The following FOXP2 variants were observed in gnomAD, a reference collection of about 807,000 sequenced individuals.
FOXP2 encodes forkhead box protein P2.
In FOXP2, 12 loss-of-function variants were observed where a neutral mutation model predicts 115.8. The ratio of observed to expected loss-of-function variants is 0.10; its 90% confidence interval spans 0.07 to 0.17. FOXP2 has a LOEUF of 0.17. FOXP2 is among the 10% of genes least tolerant of loss of function. The probability of loss-of-function intolerance (pLI) is 1.00; values close to 1 mark genes in which losing one functional copy is unlikely to be tolerated. For synonymous variants in FOXP2, 328 were observed against 297.7 expected, an observed-to-expected ratio of 1.10 and a Z score of -1.05; for missense variants, 629 against 843.5, an observed-to-expected ratio of 0.75 and a Z score of 3.15.
intron 1 of FOXP2, among the ~76,000 whole-genome samples, chr7:114,242,296 C>T (rs766647239): frequency 1.6e-4 from 25 of 151,858 alleles, no homozygotes; most frequent in Non-Finnish European, 3.4e-4. Context: ...AAATGATGGT[C>T]TAATTCATAA....
At chr7:114,557,787 CTTTA>C (rs59243864) in intron 3 of FOXP2, among the ~76,000 whole-genome samples, 3,963 of 148,182 alleles carry the variant, frequency 0.027, 150 homozygotes, top group East Asian at 0.15. Context: ...ACTGAACTGA[CTTTA>C]TTTATTTATT....
intron 2 of FOXP2, among the ~76,000 whole-genome samples, chr7:114,397,159 G>T (rs964543477): frequency 1.3e-5 from 2 of 151,954 alleles, no homozygotes; most frequent in South Asian, 2.1e-4. Context: ...AAGAGATTTC[G>T]GGTGGAGATT....
chr7:114,464,299 T>C (rs956064665), intron 2 of FOXP2, among the ~76,000 whole-genome samples: 2 of 151,850 alleles, frequency 1.3e-5, no homozygotes, highest in East Asian at 1.9e-4. Flanking sequence ...ACTTACAAAA[T>C]TGTGACCAGA....
chr7:114,588,086 G>T (rs879474617), intron 3 of FOXP2, among the ~76,000 whole-genome samples: 2 of 151,706 alleles, frequency 1.3e-5, no homozygotes, highest in Non-Finnish European at 2.9e-5. Flanking sequence ...GAGGTGAGCG[G>T]ATCACGAGGT....
chr7:114,221,494 G>A (rs1164505348), intron 1 of FOXP2, among the ~76,000 whole-genome samples: 2 of 152,050 alleles, frequency 1.3e-5, no homozygotes, highest in Admixed American at 1.3e-4. Flanking sequence ...ATAAGGATTC[G>A]TTCTAGGCAC....
intron 2 of FOXP2, among the ~76,000 whole-genome samples, chr7:114,437,418 C>T (rs754067490): frequency 6.6e-6 from 1 of 152,106 alleles, no homozygotes. Context: ...TAGTAGTTTG[C>T]TATTATCATG....
chr7:114,352,851 A>G (rs1183483527), intron 2 of FOXP2, among the ~76,000 whole-genome samples: 1 of 152,136 alleles, frequency 6.6e-6, no homozygotes. Flanking sequence ...GAATAATTCT[A>G]ATAGTTTAAA....
At chr7:114,517,598 G>A (rs182210331) in intron 2 of FOXP2, among the ~76,000 whole-genome samples, 1 of 152,144 alleles carries the variant, frequency 6.6e-6, no homozygotes, top group East Asian at 1.9e-4. Flanking sequence ...TCCCTTTTAT[G>A]TGTTCTTAAC....
intron 2 of FOXP2, among the ~76,000 whole-genome samples, chr7:114,487,759 C>T (rs905466117): frequency 6.6e-6 from 1 of 152,140 alleles, no homozygotes; most frequent in Non-Finnish European, 1.5e-5. Context: ...CAGTTCCCAA[C>T]AAATTCCTCA....
At chr7:114,106,297 C>G (rs1791113786) in intron 1 of FOXP2, among the ~76,000 whole-genome samples, 1 of 151,350 alleles carries the variant, frequency 6.6e-6, no homozygotes, top group African/African-American at 2.4e-5. Context: ...AGGTAGATGC[C>G]CTCCCTTTAG....
At chr7:114,322,340 G>A (rs2129181566) in intron 2 of FOXP2, among the ~76,000 whole-genome samples, 1 of 149,230 alleles carries the variant, frequency 6.7e-6, no homozygotes, top group South Asian at 2.3e-4. Context: ...TGCTTTATAT[G>A]AAAGCTCATT....
At chr7:114,578,045 T>G (rs994859989) in intron 3 of FOXP2, among the ~76,000 whole-genome samples, 3 of 152,008 alleles carry the variant, frequency 2.0e-5, no homozygotes, top group Admixed American at 6.6e-5. Context: ...TAGTGTATCA[T>G]ATACATATAC....
intron 1 of FOXP2, among the ~76,000 whole-genome samples, chr7:114,423,751 T>C (rs920615132): frequency 2.0e-5 from 3 of 151,618 alleles, no homozygotes; most frequent in African/African-American, 7.3e-5. Flanking sequence ...CTGGAAATAT[T>C]TCCTATATTG....
At chr7:114,680,167 A>T (rs1350134) in intron 16 of FOXP2, among the ~76,000 whole-genome samples, 48,522 of 152,064 alleles carry the variant, frequency 0.32, 9,605 homozygotes, top group Non-Finnish European at 0.45. Context: ...TCTAAATCTC[A>T]CAAATGTAAA....
chr7:114,116,797 C>T (rs903620278), intron 1 of FOXP2, among the ~76,000 whole-genome samples: 1 of 151,990 alleles, frequency 6.6e-6, no homozygotes, highest in Non-Finnish European at 1.5e-5. Flanking sequence ...GGAAGGGTCT[C>T]TTCATAAGAG....
At chr7:114,609,741 C>T (rs114643205) in intron 3 of FOXP2, among the ~76,000 whole-genome samples, 511 of 152,262 alleles carry the variant, frequency 3.4e-3, no homozygotes, top group African/African-American at 0.012. Flanking sequence ...AATCACTTTC[C>T]TCATTTATGT....
chr7:114,491,421 A>G (rs1358079122), intron 2 of FOXP2, among the ~76,000 whole-genome samples: 1 of 151,748 alleles, frequency 6.6e-6, no homozygotes, highest in Non-Finnish European at 1.5e-5. Flanking sequence ...TTGTCAGATG[A>G]GTAGATTGCA....
chr7:114,509,054 T>A (rs1797952249), intron 2 of FOXP2, among the ~76,000 whole-genome samples: 1 of 152,014 alleles, frequency 6.6e-6, no homozygotes, highest in Non-Finnish European at 1.5e-5. Flanking sequence ...GTATGTGCAA[T>A]GGTGTTAAGA....
At chr7:114,540,033 A>G (rs1799579537) in intron 3 of FOXP2, among the ~76,000 whole-genome samples, 1 of 152,128 alleles carries the variant, frequency 6.6e-6, no homozygotes, top group South Asian at 2.1e-4. Flanking sequence ...AAATCCTTGG[A>G]TAAGGAGTTA....
Sources: gnomAD v4.1 joint callset for allele counts (sites outside exome capture counted in the v4.1 genomes callset) on GRCh38, gnomAD v4.1.1 for gene constraint, MANE v1.5 for transcripts, NCBI Gene and HGNC (gene_info 2026-07-23, HGNC 2026-07-21) for gene names.